THSD4: variants seen among roughly 807,000 people sequenced by gnomAD.
THSD4 encodes thrombospondin type-1 domain-containing protein 4.
In THSD4, 69 loss-of-function variants were observed where a neutral mutation model predicts 119.0. The observed-to-expected ratio is 0.58, with a 90% CI of 0.48 to 0.71. The LOEUF (loss-of-function observed/expected upper bound fraction) is 0.71, where lower values mean the gene tolerates loss of function less well. Among genes scored for constraint, THSD4 ranks in the 30% least tolerant of loss-of-function variants. THSD4 has a pLI of 0.00. For missense variants in THSD4, 1,393 were observed against 1,391.1 expected, an observed-to-expected ratio of 1.00 and a Z score of -0.02; for synonymous variants, 524 against 540.4, an observed-to-expected ratio of 0.97 and a Z score of 0.42.
chr15:71,324,718 A>G (rs74801983), intron 6 of THSD4, among the ~76,000 whole-genome samples: 1 of 152,302 alleles, frequency 6.6e-6, no homozygotes, highest in East Asian at 1.9e-4. Context: ...GCCTATGGAC[A>G]CTTAGGTTAG....
chr15:71,760,216 C>T (rs1489555278), intron 15 of THSD4, among the ~76,000 whole-genome samples: 1 of 152,168 alleles, frequency 6.6e-6, no homozygotes, highest in African/African-American at 2.4e-5. Flanking sequence ...GCCACAGAAT[C>T]CTTCCCAAGG....
intron 8 of THSD4, among the ~76,000 whole-genome samples, chr15:71,687,652 G>A (rs1028392250): frequency 6.6e-6 from 1 of 151,934 alleles, no homozygotes; most frequent in Non-Finnish European, 1.5e-5. Flanking sequence ...TTACTCGGAA[G>A]GCTGAGGCAG....
At chr15:71,165,959 G>A (rs1412825399) in intron 3 of THSD4, among the ~76,000 whole-genome samples, 1 of 152,150 alleles carries the variant, frequency 6.6e-6, no homozygotes, top group African/African-American at 2.4e-5. Flanking sequence ...GAGTGGTTAT[G>A]TGGTGCTCTC....
chr15:71,151,115 G>C (rs2040718483), intron 2 of THSD4, among the ~76,000 whole-genome samples: 1 of 152,182 alleles, frequency 6.6e-6, no homozygotes, highest in African/African-American at 2.4e-5. Flanking sequence ...AGGAAGCCCT[G>C]TGAAGACAAG....
Position 71,587,516 on chromosome 15 carries a change from C to T in THSD4, c.1153-73014C>T, listed in dbSNP as rs1351948336. 2.3e-4 allele frequency among the ~76,000 whole-genome samples: 26 copies of T among 114,338 alleles called. 1 individual carries two copies. Among genetic ancestry groups the T allele is most frequent in the African/African-American group, 4.6e-4 (16 of 34,896 alleles). The allele number at this position is 114,338 out of a possible 152,430, so 75.0% of individuals were successfully genotyped here. On this transcript the variant is annotated intron_variant, in intron 7 of 17. Transcript: ENST00000261862. ...GAAACCATCATTCTCAGTAAACTAT[C>T]GCAAGAACAAAAAACCAAACACCGC...
At chr15:71,716,118 T>C (rs1015797415) in intron 8 of THSD4, among the ~76,000 whole-genome samples, 1 of 152,194 alleles carries the variant, frequency 6.6e-6, no homozygotes, top group Non-Finnish European at 1.5e-5. Flanking sequence ...CAGCTTCCAG[T>C]GCTTGCTGGC....
intron 8 of THSD4, among the ~76,000 whole-genome samples, chr15:71,716,428 A>T (rs1227665010): frequency 6.6e-6 from 1 of 152,182 alleles, no homozygotes; most frequent in Non-Finnish European, 1.5e-5. Flanking sequence ...ACATAAATGA[A>T]AGAAGTAAAT....
At chr15:71,164,241 G>A (rs1177736632) in intron 3 of THSD4, among the ~76,000 whole-genome samples, 1 of 151,458 alleles carries the variant, frequency 6.6e-6, no homozygotes, top group Non-Finnish European at 1.5e-5. Context: ...ATTCAAAATG[G>A]GCAAAAGCAA....
intron 7 of THSD4, among the ~76,000 whole-genome samples, chr15:71,562,268 C>T (rs1250855138): frequency 6.6e-6 from 1 of 152,080 alleles, no homozygotes; most frequent in African/African-American, 2.4e-5. Flanking sequence ...TAAATGTGTT[C>T]AAAGCTATTT....
chr15:71,555,658 ATTTC>A (rs1160554086), intron 7 of THSD4, among the ~76,000 whole-genome samples: 2 of 152,018 alleles, frequency 1.3e-5, no homozygotes, highest in Admixed American at 6.5e-5. Context: ...TATCCATTTT[ATTTC>A]TTTGTGTTAA....
chr15:71,356,082 G>T (rs1005792001), intron 6 of THSD4, among the ~76,000 whole-genome samples: 1 of 152,022 alleles, frequency 6.6e-6, no homozygotes, highest in Non-Finnish European at 1.5e-5. Context: ...TGCCCAAACT[G>T]GTCTCGAACT....
chr15:71,240,838 CAT>C (rs10692341), intron 4 of THSD4, among the ~76,000 whole-genome samples: 17 of 137,152 alleles, frequency 1.2e-4, no homozygotes, highest in African/African-American at 3.8e-4. Context: ...CACACACACA[CAT>C]ATATACATAT....
chr15:71,148,188 T>C (rs2040682922), intron 2 of THSD4, among the ~76,000 whole-genome samples: 1 of 152,172 alleles, frequency 6.6e-6, no homozygotes, highest in Admixed American at 6.5e-5. Flanking sequence ...CCGGGGCCTG[T>C]TGGTCTTGGT....
chr15:71,697,598 CAT>C (rs2052191688), intron 8 of THSD4, among the ~76,000 whole-genome samples: 1 of 152,158 alleles, frequency 6.6e-6, no homozygotes, highest in Admixed American at 6.5e-5. Context: ...GAGGAGGGGA[CAT>C]GTGGTGATTA....
At chr15:71,347,511 T>G (rs1302911011) in intron 6 of THSD4, among the ~76,000 whole-genome samples, 3 of 152,240 alleles carry the variant, frequency 2.0e-5, no homozygotes, top group Non-Finnish European at 4.4e-5. Flanking sequence ...ATACATTTAT[T>G]CATTCAAGCA....
rs774722328 is a variant in THSD4, at chr15:71,394,879, G to A, written c.1016-16808G>A. On this transcript the variant is annotated intron_variant, in intron 6 of 17. Coordinates refer to ENST00000261862, the MANE Select transcript of THSD4 (RefSeq NM_024817.3). ...GTGAGTCCCTCTGACATCTCCACCCGCTTCTACTCAGCACTAGACAGATAT... is the reference window on the plus strand; with the variant it reads ...GTGAGTCCCTCTGACATCTCCACCCACTTCTACTCAGCACTAGACAGATAT... Among the ~76,000 whole-genome samples, 7 of 152,102 alleles carry A rather than the reference G, an allele frequency of 4.6e-5. No homozygotes were observed. In the South Asian group the frequency reaches 6.2e-4, roughly 14 times the overall value.
intron 8 of THSD4, among the ~76,000 whole-genome samples, chr15:71,664,061 C>G (rs1394793035): frequency 6.6e-6 from 1 of 152,024 alleles, no homozygotes; most frequent in Non-Finnish European, 1.5e-5. Context: ...CAGCTCACTG[C>G]AAGCTCTACC....
intron 8 of THSD4, among the ~76,000 whole-genome samples, chr15:71,723,446 G>T (rs1226686781): frequency 6.6e-6 from 1 of 152,062 alleles, no homozygotes; most frequent in African/African-American, 2.4e-5. Context: ...ACTTGTACTT[G>T]GTTTTCTGTG....
At chr15:71,366,358 C>G (rs1166557854) in intron 6 of THSD4, among the ~76,000 whole-genome samples, 1 of 152,146 alleles carries the variant, frequency 6.6e-6, no homozygotes, top group Non-Finnish European at 1.5e-5. Context: ...CAGCTCCCGG[C>G]TGTCCAAGAT....
Sources: allele counts gnomAD v4.1 joint callset (sites outside exome capture counted in the v4.1 genomes callset), GRCh38; gene constraint gnomAD v4.1.1; transcripts MANE v1.5; gene names NCBI Gene and HGNC (gene_info 2026-07-23, HGNC 2026-07-21).